The following TDRD3 variants were observed in gnomAD, a reference collection of about 807,000 sequenced individuals.
TDRD3 encodes the protein tudor domain-containing protein 3.
TDRD3 carries 45 observed loss-of-function variants against 86.7 expected under a neutral mutation model. The ratio of observed to expected loss-of-function variants is 0.52; its 90% CI spans 0.41 to 0.67. The LOEUF is 0.67. Among genes scored for constraint, TDRD3 ranks in the 30% least tolerant of loss-of-function variants. TDRD3 has a pLI of 0.00. For synonymous variants in TDRD3, 298 were observed against 301.7 expected, an observed-to-expected ratio of 0.99 and a Z score of 0.13; for missense variants, 814 against 889.0, an observed-to-expected ratio of 0.92 and a Z score of 1.07.
intron 10 of TDRD3, 79 bp downstream of exon 10, chr13:60,510,834 A>G: frequency 1.5e-6 from 2 of 1,324,054 alleles, no homozygotes; most frequent in Non-Finnish European, 2.0e-6. Context: ...TTTCTTTTTA[A>G]AAGACCAAAC....
chr13:60,452,612 GATAAC>G (rs531321123), intron 3 of TDRD3, among the ~76,000 whole-genome samples: 37 of 151,984 alleles, frequency 2.4e-4, no homozygotes, highest in Middle Eastern at 3.4e-3. Context: ...TAGGATAATC[GATAAC>G]ATAGCATATG....
chr13:60,420,007 T>G (rs1474934238), intron 1 of TDRD3, among the ~76,000 whole-genome samples: 2 of 152,074 alleles, frequency 1.3e-5, no homozygotes, highest in Non-Finnish European at 2.9e-5. Context: ...CTTATAATTA[T>G]TGTGGTTATG....
chr13:60,538,181 A>G (rs562491225), intron 12 of TDRD3: 1 of 152,020 alleles, frequency 6.6e-6, no homozygotes, highest in South Asian at 2.1e-4. Flanking sequence ...TTTCGTGTGG[A>G]TATGTATTTT....
At chr13:60,415,586 A>G (rs1954485512) in intron 1 of TDRD3, among the ~76,000 whole-genome samples, 2 of 152,274 alleles carry the variant, frequency 1.3e-5, no homozygotes, top group South Asian at 4.1e-4. Flanking sequence ...ACTCATTCAC[A>G]CACTTAAAGA....
intron 3 of TDRD3, among the ~76,000 whole-genome samples, chr13:60,457,016 G>C (rs1306752344): frequency 1.3e-5 from 2 of 151,926 alleles, no homozygotes; most frequent in Non-Finnish European, 2.9e-5. Context: ...TTTAGATTCA[G>C]GATTTAGGAT....
intron 3 of TDRD3, among the ~76,000 whole-genome samples, chr13:60,452,168 G>T (rs1324960290): frequency 2.0e-5 from 3 of 152,002 alleles, no homozygotes; most frequent in Admixed American, 6.6e-5. Flanking sequence ...GCACAACCCT[G>T]GGTATATCTC....
chr13:60,441,242 T>C (rs1955261770), intron 2 of TDRD3, among the ~76,000 whole-genome samples: 1 of 152,152 alleles, frequency 6.6e-6, no homozygotes, highest in African/African-American at 2.4e-5. Flanking sequence ...AAAAACTTTC[T>C]ACAGATTCTA....
chr13:60,460,425 GC>G lies in TDRD3; in HGVS notation c.239del (p.Ala80ValfsTer20), dbSNP rs1205624039. 1 of 1,604,184 alleles carries G rather than the reference GC, an allele frequency of 6.2e-7. No individual in the cohort carries two copies. Among genetic ancestry groups the G allele is most frequent in the Non-Finnish European group, 8.5e-7 (1 of 1,177,568 alleles). On this transcript the variant is annotated frameshift_variant, in exon 4 of 14. Coordinates refer to ENST00000377881, the MANE Select transcript of TDRD3 (RefSeq NM_001146070.2). LOFTEE classifies it high-confidence loss of function. ...VLQIQKIRNV[A>X]APKDNEESQA... ...GCAAATTCAAAAAATTCGCAATGTT[GC>G]TGCACCAAAGGATAATGAAGAATCT...
intron 12 of TDRD3, among the ~76,000 whole-genome samples, chr13:60,555,132 T>C (rs1958155896): frequency 6.6e-6 from 1 of 152,164 alleles, no homozygotes; most frequent in Non-Finnish European, 1.5e-5. Flanking sequence ...TTTCTAAGCT[T>C]GGAAAGAGAA....
chr13:60,478,377 T>C (rs1956238492), intron 5 of TDRD3, among the ~76,000 whole-genome samples: 2 of 139,260 alleles, frequency 1.4e-5, no homozygotes, highest in African/African-American at 5.4e-5. Flanking sequence ...CAATCTCGGC[T>C]CACTGCAGCC....
chr13:60,472,476 AAAAC>A (rs1246300071), intron 5 of TDRD3, among the ~76,000 whole-genome samples: 9 of 152,180 alleles, frequency 5.9e-5, no homozygotes, highest in South Asian at 2.1e-4. Flanking sequence ...TGTCTACTGT[AAAAC>A]AAACAAACAA....
At chr13:60,563,422 T>C (rs183875088) in intron 12 of TDRD3, among the ~76,000 whole-genome samples, 1 of 152,268 alleles carries the variant, frequency 6.6e-6, no homozygotes, top group East Asian at 1.9e-4. Context: ...TCAAACTTCC[T>C]GAGGTTAGAA....
chr13:60,415,640 G>A (rs1448035039), intron 1 of TDRD3, among the ~76,000 whole-genome samples: 1 of 152,074 alleles, frequency 6.6e-6, no homozygotes, highest in African/African-American at 2.4e-5. Context: ...TGTAAAACAT[G>A]ATTAATATCA....
At chr13:60,410,077 C>T (rs1307748095) in intron 1 of TDRD3, among the ~76,000 whole-genome samples, 6 of 152,148 alleles carry the variant, frequency 3.9e-5, no homozygotes, top group African/African-American at 2.4e-5. Context: ...GCTTTTGCTT[C>T]GTCCTCATTT....
intron 12 of TDRD3, among the ~76,000 whole-genome samples, chr13:60,542,705 T>C (rs1327606653): frequency 3.9e-5 from 6 of 152,230 alleles, no homozygotes; most frequent in Admixed American, 1.3e-4. Flanking sequence ...AAATCCTATG[T>C]ATGTCTCTAC....
At chr13:60,500,341 A>G (rs1007747152) in intron 8 of TDRD3, among the ~76,000 whole-genome samples, 1 of 152,214 alleles carries the variant, frequency 6.6e-6, no homozygotes, top group Non-Finnish European at 1.5e-5. Context: ...CAAGTAAGTT[A>G]CATGAGGAAG....
intron 5 of TDRD3, among the ~76,000 whole-genome samples, chr13:60,481,749 G>A (rs1260689662): frequency 6.6e-6 from 1 of 151,926 alleles, no homozygotes; most frequent in African/African-American, 2.4e-5. Context: ...ATTTTCAGAT[G>A]GTTATGGTCA....
At chr13:60,550,879 C>G (rs1958034139) in intron 12 of TDRD3, among the ~76,000 whole-genome samples, 1 of 152,072 alleles carries the variant, frequency 6.6e-6, no homozygotes. Flanking sequence ...CAACTTTGTA[C>G]CAGACATTAT....
At chr13:60,504,473 T>C (rs1371469079) in intron 8 of TDRD3, among the ~76,000 whole-genome samples, 1 of 152,252 alleles carries the variant, frequency 6.6e-6, no homozygotes. Context: ...TTAAAACATT[T>C]AGCAAACCTA....
Sources: gnomAD v4.1 joint callset for allele counts (sites outside exome capture counted in the v4.1 genomes callset) on GRCh38, gnomAD v4.1.1 for gene constraint, MANE v1.5 for transcripts, NCBI Gene and HGNC (gene_info 2026-07-23, HGNC 2026-07-21) for gene names.